Variants in COL15A1 observed in about 807,000 individuals in gnomAD.
The protein encoded by COL15A1 is collagen type XV alpha 1 chain.
In COL15A1, 111 loss-of-function variants were observed where a neutral mutation model predicts 165.9. The ratio of observed to expected loss-of-function variants is 0.67; its 90% CI spans 0.57 to 0.78. COL15A1 has a LOEUF of 0.78. COL15A1 is among the 30% of genes least tolerant of loss of function. The probability of loss-of-function intolerance (pLI) is 0.00; values close to 1 mark genes in which losing one functional copy is unlikely to be tolerated. For missense variants in COL15A1, 1,745 were observed against 1,789.7 expected, an observed-to-expected ratio of 0.98 and a Z score of 0.45; for synonymous variants, 659 against 674.8, an observed-to-expected ratio of 0.98 and a Z score of 0.36.
intron 11 of COL15A1, among the ~76,000 whole-genome samples, chr9:99,016,731 T>C (rs1266332011): frequency 6.6e-6 from 1 of 152,230 alleles, no homozygotes; most frequent in Non-Finnish European, 1.5e-5. Context: ...AGCTTGGGCT[T>C]GTGTGAAGAG....
intron 39 of COL15A1, among the ~76,000 whole-genome samples, chr9:99,066,337 A>G (rs948632062): frequency 3.3e-5 from 5 of 152,232 alleles, no homozygotes; most frequent in Non-Finnish European, 7.3e-5. Flanking sequence ...AGAAGGGTCT[A>G]TCTCAGCAGT....
At chr9:98,950,927 T>C (rs1454394639) in intron 2 of COL15A1, among the ~76,000 whole-genome samples, 1 of 152,170 alleles carries the variant, frequency 6.6e-6, no homozygotes, top group Non-Finnish European at 1.5e-5. Flanking sequence ...TAATGACAAA[T>C]GACGTTGCGC....
chr9:99,050,646 C>T (rs1157887923), intron 30 of COL15A1, among the ~76,000 whole-genome samples: 1 of 152,238 alleles, frequency 6.6e-6, no homozygotes, highest in Non-Finnish European at 1.5e-5. Flanking sequence ...TTCTCTCATT[C>T]ATTCGACAAA....
At chr9:99,033,069 A>G (rs1839234179) in intron 16 of COL15A1, among the ~76,000 whole-genome samples, 3 of 152,134 alleles carry the variant, frequency 2.0e-5, no homozygotes, top group African/African-American at 4.8e-5. Context: ...GCCTTGCCTC[A>G]GATGTTTGTG....
chr9:99,053,217 C>A (rs1287859875), intron 31 of COL15A1, among the ~76,000 whole-genome samples: 1 of 152,214 alleles, frequency 6.6e-6, no homozygotes, highest in Non-Finnish European at 1.5e-5. Flanking sequence ...AGAGGAAGGT[C>A]TTTTTCCTCC....
chr9:99,056,501 A>G, intron 35 of COL15A1, 97 bp downstream of exon 35: 1 of 1,473,704 alleles, frequency 6.8e-7, no homozygotes, highest in Non-Finnish European at 8.9e-7. Flanking sequence ...ACTGCCTAAC[A>G]GAGGGCTTTC....
intron 2 of COL15A1, among the ~76,000 whole-genome samples, chr9:98,980,970 C>T (rs1838228710): frequency 6.6e-6 from 1 of 152,136 alleles, no homozygotes; most frequent in Admixed American, 6.5e-5. Flanking sequence ...GCTGTAGGTG[C>T]ACATACCCAT....
chr9:99,036,281 A>G (rs745391740), intron 20 of COL15A1, 32 bp from the exon 21 acceptor site: 2 of 1,613,836 alleles, frequency 1.2e-6, no homozygotes, highest in African/African-American at 1.3e-5. Flanking sequence ...TGTACAGTGA[A>G]TTTTTTTCTC....
In COL15A1 at chr9:98,994,131, G is replaced by A. The variant is rs576889646; in HGVS notation, c.805-2803G>A. Reference sequence around the variant, plus strand: ...GTGTGTTGGGGGTGGGGGTGGCATGGGGGGTTGGGGAGGCACTGTGTTGGG... The same window carrying A: ...GTGTGTTGGGGGTGGGGGTGGCATGAGGGGTTGGGGAGGCACTGTGTTGGG... On this transcript the variant is annotated intron_variant, in intron 5 of 41. Transcript: ENST00000375001. Among the ~76,000 whole-genome samples, 12 of 151,802 alleles carry A rather than the reference G, an allele frequency of 7.9e-5. No homozygotes were observed. In the East Asian group the frequency reaches 2.3e-3, roughly 29 times the overall value.
Position 98,996,939 on chromosome 9 carries a change from A to T in COL15A1, c.810A>T (p.Lys270Asn). The T allele has an allele frequency of 1.2e-6, 2 of 1,613,756 alleles. No individual in the cohort carries two copies. Among genetic ancestry groups the T allele is most frequent in the Non-Finnish European group, 1.7e-6 (2 of 1,179,774 alleles). The change falls in exon 6 of 42, where the codon AAA becomes AAT. Residue 270 changes from lysine to asparagine, a missense_variant. Transcript: ENST00000375001. ...EAVTYTQASP[K>N]EAKVEPINTP... Reference sequence around the variant, plus strand: ...CTCATTTTTCCTCCCTTCAGCCCAAAGAAGCAAAAGTTGAACCCATAAACA... The same window carrying T: ...CTCATTTTTCCTCCCTTCAGCCCAATGAAGCAAAAGTTGAACCCATAAACA...
At chr9:99,068,061 T>C (rs1825924166) in intron 40 of COL15A1, among the ~76,000 whole-genome samples, 1 of 152,232 alleles carries the variant, frequency 6.6e-6, no homozygotes, top group Non-Finnish European at 1.5e-5. Context: ...AAAGCGTTCA[T>C]GGATGGATTA....
chr9:99,062,029 G>C lies in COL15A1; in HGVS notation c.3461G>C (p.Gly1154Ala), dbSNP rs769333921. 6.2e-7 allele frequency: 1 copy of C among 1,614,048 alleles called. No individual in the cohort carries two copies. Among genetic ancestry groups the C allele is most frequent in the Non-Finnish European group, 8.5e-7 (1 of 1,179,960 alleles). Residue 1154 changes from glycine (G) to alanine (A), a missense_variant, in exon 37 of 42, where the codon GGA becomes GCA. Gly to Ala is a moderately conservative substitution (Grantham distance 60, BLOSUM62 0). Coordinates refer to ENST00000375001, the MANE Select transcript of COL15A1 (RefSeq NM_001855.5). ...CAGAAAGCGCATTTGGTTATAGAAG[G>C]AACATTCATCTACCTGAGGGACAGC... ...MLQKAHLVIE[G>A]TFIYLRDSTE...
chr9:98,997,274 C>T (rs1838565177), intron 6 of COL15A1, among the ~76,000 whole-genome samples, 193 bp downstream of exon 6: 2 of 152,126 alleles, frequency 1.3e-5, no homozygotes, highest in African/African-American at 2.4e-5. Flanking sequence ...GTAACCCAGC[C>T]AGGAGCAAAC....
At chr9:99,068,457 G>A (rs541211032) in intron 40 of COL15A1, 98 bp from the exon 41 acceptor site, 17 of 491,622 alleles carry the variant, frequency 3.5e-5, no homozygotes, top group East Asian at 1.7e-4. Context: ...TGACAAAAGC[G>A]AAACTGTGTC....
chr9:99,050,468 C>G (rs1367667157), intron 30 of COL15A1, among the ~76,000 whole-genome samples: 2 of 152,190 alleles, frequency 1.3e-5, no homozygotes, highest in Admixed American at 1.3e-4. Context: ...GCAGCAGGTG[C>G]AGACACTGGG....
At chr9:99,052,746 T>G (rs1430276002) in intron 31 of COL15A1, among the ~76,000 whole-genome samples, 1 of 152,200 alleles carries the variant, frequency 6.6e-6, no homozygotes, top group Non-Finnish European at 1.5e-5. Flanking sequence ...TGCACTGGGC[T>G]GAGGCAGATT....
chr9:99,015,605 G>C (rs896408011), intron 10 of COL15A1, 39 bp downstream of exon 10: 2 of 1,598,030 alleles, frequency 1.3e-6, no homozygotes, highest in African/African-American at 2.7e-5. Context: ...TCACAGGGGA[G>C]AGACAGGTCT....
rs780900594 is a variant in COL15A1, at chr9:99,038,740, A to G, written c.2475+7A>G. 5.1e-6 allele frequency: 8 copies of G among 1,581,136 alleles called. No homozygotes were observed. The Admixed American group carries it at 1.2e-4, about 23-fold the overall frequency. On this transcript the variant is annotated splice_region_variant and intron_variant, in intron 22 of 41. Transcript: ENST00000375001. ...TGAGCTGGTGGGGCCTCCGGTTGGT[A>G]TCTACAGCTGCCCCAGAATGTGGCT...
intron 41 of COL15A1, 97 bp downstream of exon 41, chr9:99,068,767 T>C (rs41301523): frequency 5.4e-6 from 4 of 747,062 alleles, no homozygotes; most frequent in Non-Finnish European, 8.7e-6. Flanking sequence ...CTCTAGGATA[T>C]TGCCAACATA....
Sources: gnomAD v4.1 joint callset for allele counts (sites outside exome capture counted in the v4.1 genomes callset) on GRCh38, gnomAD v4.1.1 for gene constraint, MANE v1.5 for transcripts, NCBI Gene and HGNC (gene_info 2026-07-23, HGNC 2026-07-21) for gene names.